SLC25A15: variants seen among roughly 807,000 people sequenced by gnomAD.
SLC25A15 encodes the protein solute carrier family 25 member 15.
A neutral mutation model predicts 32.3 loss-of-function variants in SLC25A15; 24 were observed. That is an observed-to-expected ratio of 0.74 (90% CI 0.54 to 1.04). The LOEUF is 1.04. Ranked by LOEUF, SLC25A15 falls within the 50% of genes least tolerant of loss-of-function variation. The probability of loss-of-function intolerance (pLI) is 0.00; values close to 1 mark genes in which losing one functional copy is unlikely to be tolerated. For missense variants in SLC25A15, 317 were observed against 374.5 expected, an observed-to-expected ratio of 0.85 and a Z score of 1.27; for synonymous variants, 132 against 142.1, an observed-to-expected ratio of 0.93 and a Z score of 0.51.
chr13:40,790,775 CGG>C (rs369755016), intron 1 of SLC25A15, among the ~76,000 whole-genome samples: 3 of 152,044 alleles, frequency 2.0e-5, no homozygotes, highest in Non-Finnish European at 2.9e-5. Flanking sequence ...TTAATAGAGA[CGG>C]GGGTTTCTCA....
Position 40,809,757 on chromosome 13 carries a change from A to G in SLC25A15, c.*90A>G. 6.9e-7 allele frequency: 1 copy of G among 1,455,620 alleles called. No homozygotes were observed. The highest frequency in any genetic ancestry group is 2.3e-5 in the East Asian group (1 of 44,068). 90.2% of individuals were successfully genotyped at this position (1,455,620 alleles called of 1,614,324 possible). Reference sequence around the variant, plus strand: ...TGGAGTACAAGACCAGTGTGAAGTTATTCTGATTTCTTGGGAATTTTGCTT... The same window carrying G: ...TGGAGTACAAGACCAGTGTGAAGTTGTTCTGATTTCTTGGGAATTTTGCTT... On this transcript the variant is annotated 3_prime_UTR_variant, in exon 7 of 7. Transcript: ENST00000338625.
In SLC25A15 at chr13:40,807,345, G is replaced by T. The variant is rs770229041; in HGVS notation, c.504G>T (p.Gly168=). 2 of 1,614,022 alleles carry T rather than the reference G, an allele frequency of 1.2e-6. No individual in the cohort carries two copies. The highest frequency in any genetic ancestry group is 1.7e-6 in the Non-Finnish European group (2 of 1,179,932). The change falls in exon 5 of 7, where the codon GGG becomes GGT. Residue 168 remains glycine (G), a synonymous_variant. Coordinates refer to ENST00000338625, the MANE Select transcript of SLC25A15 (RefSeq NM_014252.4). ...TTCTTAGGAAAGATGGCCCCTTGGGGTTCTACCATGGACTCTCAAGCACTT... is the reference window on the plus strand; with the variant it reads ...TTCTTAGGAAAGATGGCCCCTTGGGTTTCTACCATGGACTCTCAAGCACTT... ...KSILRKDGPL[G]FYHGLSSTLL...
At chr13:40,795,790 T>C (rs963271410) in intron 2 of SLC25A15, among the ~76,000 whole-genome samples, 3 of 152,136 alleles carry the variant, frequency 2.0e-5, no homozygotes, top group Non-Finnish European at 4.4e-5. Context: ...CTTGGAGTCT[T>C]GGAGTGCTGG....
intron 4 of SLC25A15, 78 bp downstream of exon 4, chr13:40,805,333 A>G: frequency 6.5e-7 from 1 of 1,548,930 alleles, no homozygotes; most frequent in Non-Finnish European, 8.9e-7. Flanking sequence ...ACATTGTACT[A>G]AAGTGGCAGA....
intron 3 of SLC25A15, among the ~76,000 whole-genome samples, chr13:40,804,089 GA>G (rs1400133338): frequency 6.6e-6 from 1 of 152,180 alleles, no homozygotes; most frequent in Non-Finnish European, 1.5e-5. Context: ...TCTATGGTCT[GA>G]AAAGTCTAAT....
intron 3 of SLC25A15, among the ~76,000 whole-genome samples, chr13:40,803,196 A>T (rs1881968527): frequency 6.7e-6 from 1 of 149,322 alleles, no homozygotes; most frequent in South Asian, 2.1e-4. Flanking sequence ...CTTCTGAAAC[A>T]CTTCTCAGAC....
Position 40,799,038 on chromosome 13 carries a change from T to A in SLC25A15, c.56-19T>A. The A allele has an allele frequency of 3.7e-6, 6 of 1,614,136 alleles. No individual in the cohort carries two copies. The highest frequency in any genetic ancestry group is 5.1e-6 in the Non-Finnish European group (6 of 1,180,016). On this transcript the variant is annotated intron_variant, in intron 2 of 6. Coordinates refer to ENST00000338625, the MANE Select transcript of SLC25A15 (RefSeq NM_014252.4). ...GAACTGTAGCCTCGTACTAGAGCAGTCATCTGTCCTGATTGCAGGAGGTAC... is the reference window on the plus strand; with the variant it reads ...GAACTGTAGCCTCGTACTAGAGCAGACATCTGTCCTGATTGCAGGAGGTAC...
At chr13:40,795,408 C>G (rs1275534488) in intron 2 of SLC25A15, among the ~76,000 whole-genome samples, 2 of 152,182 alleles carry the variant, frequency 1.3e-5, no homozygotes, top group Non-Finnish European at 2.9e-5. Flanking sequence ...TTATAATTTA[C>G]AAGTTAGTTT....
At chr13:40,798,756 T>C in intron 2 of SLC25A15, 3 of 985,422 alleles carry the variant, frequency 3.0e-6, no homozygotes, top group Non-Finnish European at 3.6e-6. Context: ...AGCAAAGCCA[T>C]AGTCCCTCTG....
chr13:40,792,601 T>C (rs1008312882), intron 1 of SLC25A15, among the ~76,000 whole-genome samples: 4 of 152,234 alleles, frequency 2.6e-5, no homozygotes, highest in African/African-American at 9.7e-5. Context: ...TTTTATAATA[T>C]TTTTATTATT....
rs185047132 is a variant in SLC25A15, at chr13:40,792,458, T to C, written c.-69-700T>C. Among the ~76,000 whole-genome samples, 240 of 152,310 alleles carry C rather than the reference T, an allele frequency of 1.6e-3. 1 individual carries two copies. The highest frequency in any genetic ancestry group is 5.6e-3 in the African/African-American group (233 of 41,578). ...CTGCACACGTTTACATTTGAAGGGC[T>C]GGTGGTCTGTGGTGACGGGAAGATG... is the stretch of plus-strand genomic sequence containing the variant. On this transcript the variant is annotated intron_variant, in intron 1 of 6. Coordinates refer to ENST00000338625, the MANE Select transcript of SLC25A15 (RefSeq NM_014252.4).
chr13:40,802,786 A>C (rs542242170), intron 3 of SLC25A15, among the ~76,000 whole-genome samples: 72 of 152,028 alleles, frequency 4.7e-4, no homozygotes, highest in African/African-American at 1.7e-3. Flanking sequence ...GTTGGCCAGG[A>C]TGGTCTTGAT....
intron 4 of SLC25A15, among the ~76,000 whole-genome samples, chr13:40,806,954 C>T (rs1203017306): frequency 6.6e-6 from 1 of 152,208 alleles, no homozygotes; most frequent in African/African-American, 2.4e-5. Flanking sequence ...AACATTTACT[C>T]CTTCACTCAT....
intron 2 of SLC25A15, among the ~76,000 whole-genome samples, chr13:40,795,757 A>C (rs1408103928): frequency 6.6e-6 from 1 of 152,182 alleles, no homozygotes; most frequent in East Asian, 1.9e-4. Flanking sequence ...TATGGAATGC[A>C]AATGGAACCC....
In SLC25A15 at chr13:40,809,962, G is replaced by A; in HGVS notation, c.*295G>A. 2.5e-6 allele frequency: 1 copy of A among 399,532 alleles called. No homozygotes were observed. The highest frequency in any genetic ancestry group is 4.7e-6 in the Non-Finnish European group (1 of 212,610). 24.7% of individuals were successfully genotyped at this position (399,532 alleles called of 1,614,324 possible). A position where few individuals can be genotyped will look rare whatever the true frequency, so the allele number is the denominator to read the frequency against. On this transcript the variant is annotated 3_prime_UTR_variant, in exon 7 of 7. Transcript: ENST00000338625. ...AAAAGGTGGAATATAGTTCTGTCAG[G>A]GCTTTTACGTAAACCTCCACTTGTA... is the stretch of plus-strand genomic sequence containing the variant.
chr13:40,807,209 G>T, intron 4 of SLC25A15, 85 bp from the exon 5 acceptor site: 1 of 1,240,870 alleles, frequency 8.1e-7, no homozygotes, highest in Non-Finnish European at 1.2e-6. Flanking sequence ...TGCTTGATCA[G>T]ATCTGTTAAT....
rs762253875 is a variant in SLC25A15 at position 40,805,118 on chromosome 13, T to G, written c.315T>G (p.Ser105Arg). The G allele has an allele frequency of 6.2e-7, 1 of 1,614,082 alleles. No homozygotes were observed. Among genetic ancestry groups the G allele is most frequent in the South Asian group, 1.1e-5 (1 of 91,080 alleles). Residue 105 changes from serine (S) to arginine (R), a missense_variant and splice_region_variant, in exon 4 of 7, where the codon AGT becomes AGG. Physicochemically the swap from Ser to Arg is moderately radical, Grantham distance 110. Coordinates refer to ENST00000338625, the MANE Select transcript of SLC25A15 (RefSeq NM_014252.4). The part of the protein sequence containing the change: ...VAGLDKQAKL[S>R]DLQNAAAGSF... ...TAACTGTCTGCTTGTGTGCTTTCAG[T>G]GATCTGCAGAATGCAGCCGCCGGTT...
Position 40,799,305 on chromosome 13 carries a change from G to A in SLC25A15, c.304G>A (p.Ala102Thr), listed in dbSNP as rs1189766779. Reference sequence around the variant, plus strand: ...GAAAGTGGCTGGATTGGACAAGCAGGCAAAGCTGAGGTGAGTCAAGGACAC... The same window carrying A: ...GAAAGTGGCTGGATTGGACAAGCAGACAAAGCTGAGGTGAGTCAAGGACAC... ...VRKVAGLDKQ[A>T]KLSDLQNAAA... The change falls in exon 3 of 7, where the codon GCA becomes ACA. Residue 102 changes from alanine to threonine, a missense_variant. By Grantham distance (58) the Ala-to-Thr change is moderately conservative. Coordinates refer to ENST00000338625, the MANE Select transcript of SLC25A15 (RefSeq NM_014252.4). 3 of 1,613,986 alleles carry A rather than the reference G, an allele frequency of 1.9e-6. No individual in the cohort carries two copies. Among genetic ancestry groups the A allele is most frequent in the African/African-American group, 1.3e-5 (1 of 74,870 alleles).
chr13:40,809,540 T>C lies in SLC25A15; in HGVS notation c.782-3T>C. 3 of 1,612,036 alleles carry C rather than the reference T, an allele frequency of 1.9e-6. No homozygotes were observed. The highest frequency in any genetic ancestry group is 2.5e-6 in the Non-Finnish European group (3 of 1,179,850). On this transcript the variant is annotated splice_region_variant and splice_polypyrimidine_tract_variant and intron_variant, in intron 6 of 6. Coordinates refer to ENST00000338625, the MANE Select transcript of SLC25A15 (RefSeq NM_014252.4). Reference sequence around the variant, plus strand: ...AGTCTTTGACCGCCCTTTTATTTGCTAGGAATAACGGCCTTATATTCTGGA... The same window carrying C: ...AGTCTTTGACCGCCCTTTTATTTGCCAGGAATAACGGCCTTATATTCTGGA...
Sources: gnomAD v4.1 joint callset for allele counts (sites outside exome capture counted in the v4.1 genomes callset) on GRCh38, gnomAD v4.1.1 for gene constraint, MANE v1.5 for transcripts, NCBI Gene and HGNC (gene_info 2026-07-23, HGNC 2026-07-21) for gene names.